CLIC5: variants seen among roughly 807,000 people sequenced by gnomAD.
The protein encoded by CLIC5 is chloride intracellular channel protein 5.
A neutral mutation model predicts 24.7 loss-of-function variants in CLIC5; 20 were observed. That is an observed-to-expected ratio of 0.81 (90% CI 0.57 to 1.18). CLIC5 has a LOEUF of 1.18. Among genes scored for constraint, CLIC5 ranks in the 50% most tolerant of loss-of-function variants. The probability of loss-of-function intolerance (pLI) is 0.00; values close to 1 mark genes in which losing one functional copy is unlikely to be tolerated. For synonymous variants in CLIC5, 159 were observed against 135.6 expected (o/e 1.17, Z -1.20); for missense variants, 341 against 326.1 (o/e 1.05, Z -0.35).
At chr6:46,107,898 G>C in the CLIC5 span, among the ~76,000 whole-genome samples, 3 of 152,094 alleles carry the variant, frequency 2.0e-5, no homozygotes, top group African/African-American at 7.2e-5. Flanking sequence ...AGCCAAGCGT[G>C]GTGGCGCATG....
chr6:46,125,990 G>A, the CLIC5 span, among the ~76,000 whole-genome samples: 1 of 152,244 alleles, frequency 6.6e-6, no homozygotes, highest in East Asian at 1.9e-4. Flanking sequence ...AGTAAAATTG[G>A]CTCCAAAAGG....
intron 6 of CLIC5, among the ~76,000 whole-genome samples, chr6:45,883,515 C>G (rs953289442): frequency 9.9e-5 from 15 of 152,266 alleles, no homozygotes; most frequent in Admixed American, 9.2e-4. Context: ...CATGGGGAGG[C>G]AGTGTCATCA....
At chr6:45,917,629 A>G (rs779372285) in intron 4 of CLIC5, among the ~76,000 whole-genome samples, 2 of 152,226 alleles carry the variant, frequency 1.3e-5, no homozygotes, top group African/African-American at 4.8e-5. Flanking sequence ...TAGACACAAC[A>G]TGCCTGTGTG....
At chr6:46,069,665 T>C (rs908469418) in intron 1 of CLIC5, among the ~76,000 whole-genome samples, 1 of 152,096 alleles carries the variant, frequency 6.6e-6, no homozygotes, top group African/African-American at 2.4e-5. Context: ...GCTGGTACCA[T>C]TCCTACTAAA....
intron 1 of CLIC5, among the ~76,000 whole-genome samples, chr6:45,989,220 T>C (rs576236723): frequency 1.3e-5 from 2 of 152,282 alleles, no homozygotes; most frequent in African/African-American, 4.8e-5. Flanking sequence ...TTCCAGGTGG[T>C]GTTTTAGGAG....
chr6:46,084,096 A>C (rs1762980907), upstream of CLIC5, among the ~76,000 whole-genome samples: 1 of 151,522 alleles, frequency 6.6e-6, no homozygotes, highest in Non-Finnish European at 1.5e-5. Flanking sequence ...TAGGATTGCA[A>C]CCCCTGCCTT....
exon 1 of CLIC5, chr6:46,080,269 C>T: frequency 6.5e-7 from 1 of 1,532,712 alleles, no homozygotes; most frequent in Non-Finnish European, 8.8e-7. Flanking sequence ...GATCTGTTTA[C>T]AGGGAGACCT....
chr6:46,006,146 A>ACACATG (rs1581853292), intron 1 of CLIC5, among the ~76,000 whole-genome samples: 3 of 70,866 alleles, frequency 4.2e-5, no homozygotes, highest in Non-Finnish European at 8.2e-5. Context: ...ATATATATAT[A>ACACATG]TATATATATA....
intron 1 of CLIC5, among the ~76,000 whole-genome samples, chr6:46,026,439 T>G (rs1419728819): frequency 6.6e-6 from 1 of 152,176 alleles, no homozygotes; most frequent in African/African-American, 2.4e-5. Flanking sequence ...AATAAGTAGT[T>G]CTCTTTAATC....
the CLIC5 span, among the ~76,000 whole-genome samples, chr6:46,114,401 C>G: frequency 0.041 from 6,258 of 152,274 alleles, 191 homozygotes; most frequent in Non-Finnish European, 0.058. Context: ...GGATAGCAGT[C>G]AAACCTATAC....
chr6:45,914,157 C>T (rs1045020326), intron 5 of CLIC5, 71 bp downstream of exon 5: 16 of 1,320,428 alleles, frequency 1.2e-5, no homozygotes, highest in Non-Finnish European at 1.5e-5. Context: ...GTCCTTGACT[C>T]ATCCACACAG....
chr6:46,071,817 C>A (rs369566058), intron 1 of CLIC5, among the ~76,000 whole-genome samples: 1 of 152,036 alleles, frequency 6.6e-6, no homozygotes. Context: ...TTCGCAATAG[C>A]AAAGACATGG....
At chr6:46,003,541 A>G (rs1766435774) in intron 1 of CLIC5, among the ~76,000 whole-genome samples, 1 of 152,208 alleles carries the variant, frequency 6.6e-6, no homozygotes, top group Admixed American at 6.5e-5. Context: ...CTGAGATGTT[A>G]TATACCTTGG....
intron 1 of CLIC5, among the ~76,000 whole-genome samples, chr6:46,049,655 C>G (rs1301214771): frequency 6.6e-6 from 1 of 152,154 alleles, no homozygotes; most frequent in East Asian, 1.9e-4. Flanking sequence ...ATAGGCAGAA[C>G]TAACATAAAC....
At position 45,955,201 on chromosome 6, in the gene CLIC5, TGAGA is replaced by T. The variant is rs1313400509; in HGVS notation, c.103_106del (p.Gln36AlafsTer4). On this transcript the variant is annotated frameshift_variant, in exon 2 of 6. Transcript: ENST00000339561. LOFTEE classifies it high-confidence loss of function. ...CAGCCAGAGGATCATGAAGAGGCGC[TGAGA>T]GAAAGGACAGTTGCCGATGCTTTCT... 1 of 1,614,074 alleles carries T rather than the reference TGAGA, an allele frequency of 6.2e-7. No homozygotes were observed. Among genetic ancestry groups the T allele is most frequent in the African/African-American group, 1.3e-5 (1 of 75,058 alleles).
upstream of CLIC5, among the ~76,000 whole-genome samples, chr6:46,019,079 T>G (rs1405031780): frequency 7.8e-6 from 1 of 128,790 alleles, no homozygotes; most frequent in Non-Finnish European, 1.6e-5. Flanking sequence ...AACAAAAGTA[T>G]AGTAAAAAAA....
At chr6:45,946,382 A>C (rs1362826126) in intron 3 of CLIC5, among the ~76,000 whole-genome samples, 3 of 152,200 alleles carry the variant, frequency 2.0e-5, no homozygotes, top group Non-Finnish European at 4.4e-5. Flanking sequence ...TTTGACACCA[A>C]ATGCTCCCTG....
chr6:46,060,547 T>C (rs1423640443), intron 1 of CLIC5, among the ~76,000 whole-genome samples: 1 of 152,096 alleles, frequency 6.6e-6, no homozygotes, highest in Non-Finnish European at 1.5e-5. Context: ...TTGCCCAAGA[T>C]CACAGACTTA....
chr6:45,931,825 A>G (rs547809976), intron 4 of CLIC5, among the ~76,000 whole-genome samples: 1 of 152,086 alleles, frequency 6.6e-6, no homozygotes, highest in Non-Finnish European at 1.5e-5. Flanking sequence ...TGCTCGGCTA[A>G]TTTTTTTGTA....
Sources: gnomAD v4.1 joint callset for allele counts (sites outside exome capture counted in the v4.1 genomes callset) on GRCh38, gnomAD v4.1.1 for gene constraint, MANE v1.5 for transcripts, NCBI Gene and HGNC (gene_info 2026-07-23, HGNC 2026-07-21) for gene names.